Variants in MNAT1 observed in about 807,000 individuals in gnomAD.
The protein encoded by MNAT1 is CDK-activating kinase assembly factor MAT1.
MNAT1 carries 43 observed loss-of-function variants against 42.0 expected under a neutral mutation model. The observed-to-expected ratio is 1.02, with a 90% CI of 0.80 to 1.32. MNAT1 has a LOEUF of 1.32. Ranked by LOEUF, MNAT1 falls within the 40% of genes most tolerant of loss-of-function variation. MNAT1 has a pLI of 0.00. For missense variants in MNAT1, 306 were observed against 350.4 expected (o/e 0.87, Z 1.01); for synonymous variants, 118 against 120.0 (o/e 0.98, Z 0.11).
chr14:60,786,771 T>C (rs1349305699), intron 1 of MNAT1, among the ~76,000 whole-genome samples: 1 of 152,212 alleles, frequency 6.6e-6, no homozygotes, highest in Non-Finnish European at 1.5e-5. Context: ...GAGTCTGTTG[T>C]ATGTTTTGGT....
chr14:60,784,320 A>C (rs892983638), intron 1 of MNAT1, among the ~76,000 whole-genome samples: 1 of 148,290 alleles, frequency 6.7e-6, no homozygotes, highest in Non-Finnish European at 1.5e-5. Context: ...CACTGCGCCC[A>C]GCCACCCAGC....
chr14:60,800,496 C>T (rs565936715), intron 3 of MNAT1, among the ~76,000 whole-genome samples: 9 of 152,126 alleles, frequency 5.9e-5, no homozygotes, highest in South Asian at 4.2e-4. Flanking sequence ...ACCATGGTTG[C>T]GCCACTGCAC....
chr14:60,745,685 C>T (rs1292442997), intron 1 of MNAT1, among the ~76,000 whole-genome samples: 3 of 152,188 alleles, frequency 2.0e-5, no homozygotes, highest in African/African-American at 4.8e-5. Flanking sequence ...CCACCTTGGT[C>T]TCCCAAAGTG....
intron 6 of MNAT1, among the ~76,000 whole-genome samples, chr14:60,854,404 A>C (rs2033903913): frequency 6.6e-6 from 1 of 152,088 alleles, no homozygotes; most frequent in South Asian, 2.1e-4. Context: ...AATTTTCAGC[A>C]TTTTTACGCA....
At chr14:60,929,868 AG>A (rs2035850123) in intron 7 of MNAT1, among the ~76,000 whole-genome samples, 2 of 152,128 alleles carry the variant, frequency 1.3e-5, no homozygotes, top group Admixed American at 1.3e-4. Flanking sequence ...TACATCTAGA[AG>A]GGTCTCTGAT....
chr14:60,951,093 G>C (rs2139604398), intron 7 of MNAT1, among the ~76,000 whole-genome samples: 1 of 152,126 alleles, frequency 6.6e-6, no homozygotes, highest in East Asian at 1.9e-4. Flanking sequence ...TAAAACAGTT[G>C]TTAAATATTT....
At chr14:60,763,741 A>G (rs2030703072) in intron 1 of MNAT1, among the ~76,000 whole-genome samples, 1 of 152,180 alleles carries the variant, frequency 6.6e-6, no homozygotes, top group African/African-American at 2.4e-5. Context: ...AACTACAATG[A>G]CCAGGAAGCA....
chr14:60,960,753 C>A (rs999600184), intron 7 of MNAT1, among the ~76,000 whole-genome samples: 1 of 152,090 alleles, frequency 6.6e-6, no homozygotes, highest in African/African-American at 2.4e-5. Context: ...CCCATATCCA[C>A]CCACTCACTC....
chr14:60,869,040 A>ATATATATATATATATATATATATTT (rs1465360826), intron 6 of MNAT1, among the ~76,000 whole-genome samples: 38 of 112,998 alleles, frequency 3.4e-4, no homozygotes, highest in Non-Finnish European at 3.7e-4. Context: ...ATATATATAT[A>ATATATATATATATATATATATATTT]TTTTTTTTTT....
intron 1 of MNAT1, among the ~76,000 whole-genome samples, chr14:60,788,407 C>T (rs1308107477): frequency 6.6e-6 from 1 of 152,102 alleles, no homozygotes; most frequent in Non-Finnish European, 1.5e-5. Context: ...TATTTAAGGG[C>T]TTTATGATTT....
chr14:60,967,626 A>G (rs2036706113), intron 7 of MNAT1, among the ~76,000 whole-genome samples: 1 of 152,108 alleles, frequency 6.6e-6, no homozygotes, highest in Admixed American at 6.5e-5. Flanking sequence ...ACTTTTCTGT[A>G]TTTACTTTTT....
intron 6 of MNAT1, among the ~76,000 whole-genome samples, chr14:60,854,832 C>G (rs1042705929): frequency 6.6e-6 from 1 of 152,164 alleles, no homozygotes; most frequent in African/African-American, 2.4e-5. Flanking sequence ...GTGCACTGTG[C>G]TGGGAGAATT....
chr14:60,794,948 C>A (rs916756622), intron 1 of MNAT1, among the ~76,000 whole-genome samples: 2 of 151,626 alleles, frequency 1.3e-5, no homozygotes, highest in African/African-American at 2.4e-5. Flanking sequence ...TTAGGCACTG[C>A]GGATAGAGAA....
At chr14:60,854,556 C>G (rs1021738224) in intron 6 of MNAT1, among the ~76,000 whole-genome samples, 1 of 152,178 alleles carries the variant, frequency 6.6e-6, no homozygotes, top group Non-Finnish European at 1.5e-5. Context: ...CAGTCAGTCC[C>G]TTCTTCGGCA....
intron 6 of MNAT1, among the ~76,000 whole-genome samples, chr14:60,868,484 G>T (rs2034253321): frequency 6.6e-6 from 1 of 152,122 alleles, no homozygotes; most frequent in African/African-American, 2.4e-5. Flanking sequence ...ATTTAACATT[G>T]TGAGAGGACT....
chr14:60,735,921 T>C (rs570724996), intron 1 of MNAT1, among the ~76,000 whole-genome samples: 4 of 152,324 alleles, frequency 2.6e-5, no homozygotes, highest in Admixed American at 1.3e-4. Flanking sequence ...ATGGATAATC[T>C]ACAGTGTGTA....
At chr14:60,901,630 A>G (rs1437822123) in intron 7 of MNAT1, among the ~76,000 whole-genome samples, 1 of 152,244 alleles carries the variant, frequency 6.6e-6, no homozygotes, top group African/African-American at 2.4e-5. Context: ...AGGTCAGAAT[A>G]TCAGCATTAT....
At chr14:60,787,294 G>C (rs2031680879) in intron 1 of MNAT1, among the ~76,000 whole-genome samples, 1 of 152,186 alleles carries the variant, frequency 6.6e-6, no homozygotes, top group South Asian at 2.1e-4. Flanking sequence ...ACACTATACT[G>C]TAGTATATTA....
intron 7 of MNAT1, among the ~76,000 whole-genome samples, chr14:60,942,901 T>A (rs531811653): frequency 4.0e-4 from 61 of 152,168 alleles, no homozygotes; most frequent in Non-Finnish European, 7.8e-4. Flanking sequence ...AAATCATAAT[T>A]CACTTAATTT....
Sources: gnomAD v4.1 joint callset for allele counts (sites outside exome capture counted in the v4.1 genomes callset) on GRCh38, gnomAD v4.1.1 for gene constraint, MANE v1.5 for transcripts, NCBI Gene and HGNC (gene_info 2026-07-23, HGNC 2026-07-21) for gene names.